PAFAH1B1: variants seen among roughly 807,000 people sequenced by gnomAD.
PAFAH1B1 encodes platelet activating factor acetylhydrolase 1b regulatory subunit 1, also known as platelet-activating factor acetylhydrolase IB subunit beta.
PAFAH1B1 carries 2 observed loss-of-function variants against 57.5 expected under a neutral mutation model. That is an observed-to-expected ratio of 0.03 (90% CI 0.01 to 0.11). The LOEUF (loss-of-function observed/expected upper bound fraction) is 0.11. Among genes scored for constraint, PAFAH1B1 ranks in the 10% least tolerant of loss-of-function variants. The probability of loss-of-function intolerance (pLI) is 1.00; values close to 1 mark genes in which losing one functional copy is unlikely to be tolerated. For synonymous variants in PAFAH1B1, 152 were observed against 169.6 expected (o/e 0.90, Z 0.81); for missense variants, 257 against 512.0 (o/e 0.50, Z 4.81).
rs79432300 is a variant in PAFAH1B1, at chr17:2,613,443, C to T, written c.-191+19437C>T. The T allele has an allele frequency of 1.2e-4, 30 of 241,796 alleles. No homozygotes were observed. In the East Asian group the frequency reaches 2.2e-3, roughly 18 times the overall value. 15.0% of individuals were successfully genotyped at this position (241,796 alleles called of 1,614,324 possible). ...TGCTCTCCTGTGCTGAGTTCCCTCTCTGGGGCCCGCAGTGTTGGTGGCTGC... is the reference window on the plus strand; with the variant it reads ...TGCTCTCCTGTGCTGAGTTCCCTCTTTGGGGCCCGCAGTGTTGGTGGCTGC... On this transcript the variant is annotated intron_variant, in intron 1 of 10. Transcript: ENST00000397195.
chr17:2,659,743 A>G (rs2068990588), intron 2 of PAFAH1B1, among the ~76,000 whole-genome samples: 1 of 151,938 alleles, frequency 6.6e-6, no homozygotes, highest in African/African-American at 2.4e-5. Flanking sequence ...AGGCTGAGGC[A>G]TGAGAATCAC....
chr17:2,664,331 C>T (rs188376828), intron 2 of PAFAH1B1, among the ~76,000 whole-genome samples: 45 of 152,136 alleles, frequency 3.0e-4, no homozygotes, highest in African/African-American at 1.0e-3. Flanking sequence ...CAGCCTCCAC[C>T]TCCCAGGTTC....
In PAFAH1B1 at chr17:2,593,728, G is replaced by T; in HGVS notation, c.-469G>T. On this transcript the variant is annotated 5_prime_UTR_variant, in exon 1 of 11. Transcript: ENST00000397195. ...GCGAGTGAGCGAGCGGAGGAGCAGC[G>T]ACACGGGAGTCTAGGGAGCGAGAAG... 1 of 339,350 alleles carries T rather than the reference G, an allele frequency of 2.9e-6. No homozygotes were observed. Among genetic ancestry groups the T allele is most frequent in the South Asian group, 1.3e-4 (1 of 7,530 alleles). The allele number at this position is 339,350 out of a possible 1,614,324, so 21.0% of individuals were successfully genotyped here. A position where few individuals can be genotyped will look rare whatever the true frequency, so the allele number is the denominator to read the frequency against.
Position 2,676,140 on chromosome 17 carries a change from G to A in PAFAH1B1, c.901-365G>A, listed in dbSNP as rs183024239. ...TGTAATTCCAGCACTTTGGGAGGCC[G>A]AGGTGGGCCGATCGATCATCTGAGG... On this transcript the variant is annotated intron_variant, in intron 8 of 10. Coordinates refer to ENST00000397195, the MANE Select transcript of PAFAH1B1 (RefSeq NM_000430.4). Among the ~76,000 whole-genome samples the A allele has an allele frequency of 7.0e-3, 1,069 of 152,290 alleles. 7 individuals carry two copies. The highest frequency in any genetic ancestry group is 0.022 in the South Asian group (108 of 4,822).
intron 2 of PAFAH1B1, among the ~76,000 whole-genome samples, chr17:2,664,607 G>A (rs2069071860): frequency 6.6e-6 from 1 of 151,488 alleles, no homozygotes; most frequent in African/African-American, 2.4e-5. Context: ...GTTTCACCAT[G>A]TTGGCCAGGC....
At chr17:2,672,884 A>G in intron 7 of PAFAH1B1, 127 bp downstream of exon 7, 2 of 697,542 alleles carry the variant, frequency 2.9e-6, no homozygotes, top group South Asian at 1.5e-5. Context: ...CCTGGCCAAC[A>G]TGATGAAACC....
At chr17:2,670,138 A>G in intron 5 of PAFAH1B1, 25 bp from the exon 6 acceptor site, 1 of 1,611,546 alleles carries the variant, frequency 6.2e-7, no homozygotes, top group Non-Finnish European at 8.5e-7. Context: ...AGTTGGTGTT[A>G]ACCAATTTTC....
chr17:2,629,441 A>G (rs2068530583), intron 1 of PAFAH1B1, among the ~76,000 whole-genome samples: 1 of 152,102 alleles, frequency 6.6e-6, no homozygotes, highest in Admixed American at 6.6e-5. Flanking sequence ...GTTTTATTCC[A>G]TCGTGGTCTG....
rs2069200159 is a variant in PAFAH1B1, at chr17:2,672,684, A to G, written c.598A>G (p.Ile200Val). The change falls in exon 7 of 11, where the codon ATC becomes GTC. Residue 200 changes from isoleucine to valine, a missense_variant. By Grantham distance (29) the Ile-to-Val change is conservative. Transcript: ENST00000397195. ...TGACCACAATGTTTCTTCAGTAGCC[A>G]TCATGCCCAATGGAGATCATATAGT... Reference protein sequence around the residue: ...GHDHNVSSVAIMPNGDHIVSA... With the variant: ...GHDHNVSSVAVMPNGDHIVSA... 6.8e-6 allele frequency: 11 copies of G among 1,613,372 alleles called. No homozygotes were observed. Among genetic ancestry groups the G allele is most frequent in the Non-Finnish European group, 9.3e-6 (11 of 1,179,306 alleles).
chr17:2,624,259 G>T (rs953089809), intron 1 of PAFAH1B1, among the ~76,000 whole-genome samples: 2 of 152,152 alleles, frequency 1.3e-5, no homozygotes, highest in Non-Finnish European at 2.9e-5. Context: ...ACTTTCCCAG[G>T]TTTTCCTGTC....
At chr17:2,658,072 A>T (rs1255641908) in intron 2 of PAFAH1B1, among the ~76,000 whole-genome samples, 1 of 152,194 alleles carries the variant, frequency 6.6e-6, no homozygotes, top group Non-Finnish European at 1.5e-5. Context: ...ACAGTTGTAA[A>T]TTATGCTGAA....
intron 4 of PAFAH1B1, among the ~76,000 whole-genome samples, chr17:2,666,776 G>A (rs968384455): frequency 3.3e-5 from 5 of 152,082 alleles, no homozygotes; most frequent in African/African-American, 1.2e-4. Context: ...CAATTGTACT[G>A]AATTTTTCTC....
chr17:2,603,482 G>A (rs950309632), intron 1 of PAFAH1B1, among the ~76,000 whole-genome samples: 12 of 152,080 alleles, frequency 7.9e-5, no homozygotes, highest in African/African-American at 2.4e-4. Context: ...TTAGCTGAGC[G>A]TGGTGGTAGA....
At chr17:2,628,192 C>G (rs924845102) in intron 1 of PAFAH1B1, among the ~76,000 whole-genome samples, 3 of 152,134 alleles carry the variant, frequency 2.0e-5, no homozygotes, top group African/African-American at 2.4e-5. Flanking sequence ...TTTCCCCTTT[C>G]ATTATTATGT....
intron 1 of PAFAH1B1, among the ~76,000 whole-genome samples, chr17:2,606,810 CTTTT>C (rs770011553): frequency 0.014 from 1,412 of 101,654 alleles, 92 homozygotes; most frequent in African/African-American, 0.054. Flanking sequence ...TGCCTCAGAG[CTTTT>C]TTTTTTTTTT....
intron 9 of PAFAH1B1, among the ~76,000 whole-genome samples, chr17:2,679,253 C>T (rs970800491): frequency 6.6e-6 from 1 of 152,224 alleles, no homozygotes; most frequent in Non-Finnish European, 1.5e-5. Flanking sequence ...TTGTGAACAT[C>T]TTTGCTAACT....
At chr17:2,663,839 C>T (rs1223809524) in intron 2 of PAFAH1B1, among the ~76,000 whole-genome samples, 2 of 151,916 alleles carry the variant, frequency 1.3e-5, no homozygotes, top group African/African-American at 2.4e-5. Flanking sequence ...GGACTACAGG[C>T]GCATACCACC....
chr17:2,676,407 A>G (rs2151669858), intron 8 of PAFAH1B1, 98 bp from the exon 9 acceptor site: 1 of 823,500 alleles, frequency 1.2e-6, no homozygotes, highest in East Asian at 2.6e-5. Context: ...AATGCAACAA[A>G]AAAATTGGAA....
chr17:2,676,892 G>A (rs2069276844), intron 9 of PAFAH1B1, among the ~76,000 whole-genome samples: 1 of 152,094 alleles, frequency 6.6e-6, no homozygotes, highest in Admixed American at 6.5e-5. Flanking sequence ...GCCGGGCGCG[G>A]TGGCTTACGC....
Sources: allele counts gnomAD v4.1 joint callset (sites outside exome capture counted in the v4.1 genomes callset), GRCh38; gene constraint gnomAD v4.1.1; transcripts MANE v1.5; gene names NCBI Gene and HGNC (gene_info 2026-07-23, HGNC 2026-07-21).